Variants in MINK1 observed in about 807,000 individuals in gnomAD.
The protein encoded by MINK1 is misshapen-like kinase 1.
Under a neutral mutation model 178.4 loss-of-function variants are expected in MINK1, and 46 were observed. That is an observed-to-expected ratio of 0.26 (90% confidence interval 0.20 to 0.33). The LOEUF (loss-of-function observed/expected upper bound fraction) is 0.33, where lower values mean the gene tolerates loss of function less well. Among genes scored for constraint, MINK1 ranks in the 10% least tolerant of loss-of-function variants. The pLI is 1.00. For synonymous variants in MINK1, 797 were observed against 709.7 expected, an observed-to-expected ratio of 1.12 and a Z score of -1.96; for missense variants, 1,366 against 1,814.9, an observed-to-expected ratio of 0.75 and a Z score of 4.49.
At chr17:4,864,204 A>G (rs1257438551) in intron 1 of MINK1, among the ~76,000 whole-genome samples, 2 of 148,940 alleles carry the variant, frequency 1.3e-5, no homozygotes, top group Non-Finnish European at 3.0e-5. Flanking sequence ...GTTCGAGACC[A>G]GCCTGACCGA....
At chr17:4,866,331 G>T (rs997257007) in intron 1 of MINK1, among the ~76,000 whole-genome samples, 1 of 151,998 alleles carries the variant, frequency 6.6e-6, no homozygotes, top group South Asian at 2.1e-4. Context: ...GCTGGGCGTG[G>T]TGGGGTGTGC....
Position 4,893,972 on chromosome 17 carries a change from C to T in MINK1, c.2565-16C>T. 1.3e-6 allele frequency: 2 copies of T among 1,551,018 alleles called. No homozygotes were observed. Among genetic ancestry groups the T allele is most frequent in the Non-Finnish European group, 8.7e-7 (1 of 1,150,130 alleles). On this transcript the variant is annotated splice_polypyrimidine_tract_variant and intron_variant, in intron 21 of 31. Transcript: ENST00000355280. ...ACGGGCAGGACCTGGAGGGGCCCCA[C>T]CTTCCTCTCTCACAGCAGCGATGGG... is the stretch of plus-strand genomic sequence containing the variant.
Position 4,887,690 on chromosome 17 carries a change from A to G in MINK1, c.1130A>G (p.Gln377Arg). 1 of 1,560,904 alleles carries G rather than the reference A, an allele frequency of 6.4e-7. No individual in the cohort carries two copies. The highest frequency in any genetic ancestry group is 8.7e-7 in the Non-Finnish European group (1 of 1,153,816). Reference protein sequence around the residue: ...EALKQQQQLQQQQQRDPEAHI... With the variant: ...EALKQQQQLQRQQQRDPEAHI... ...TTAAAACAGCAGCAGCAGCTGCAGCAGCAGCAGCAGCGAGACCCCGAGGCA... is the reference window on the plus strand; with the variant it reads ...TTAAAACAGCAGCAGCAGCTGCAGCGGCAGCAGCAGCGAGACCCCGAGGCA... The change falls in exon 12 of 32, where the codon CAG becomes CGG. Residue 377 changes from glutamine (Q) to arginine (R), a missense_variant. By Grantham distance (43) the Gln-to-Arg change is conservative. Around this residue, in one of 14 missense-constraint regions of MINK1, gnomAD observed 56 missense variants for 64.0 expected, o/e 0.87. Coordinates refer to ENST00000355280, the MANE Select transcript of MINK1 (RefSeq NM_153827.5). The surrounding 1 kb of genome is among the most constrained non-coding windows in gnomAD (Gnocchi z 7.6).
chr17:4,851,375 G>A (rs1300970353), intron 1 of MINK1, among the ~76,000 whole-genome samples: 1 of 152,116 alleles, frequency 6.6e-6, no homozygotes, highest in Non-Finnish European at 1.5e-5. Context: ...GATTCTTAGT[G>A]CAGTAAACAC....
chr17:4,881,911 G>C (rs1967736477), intron 4 of MINK1, among the ~76,000 whole-genome samples: 1 of 152,278 alleles, frequency 6.6e-6, no homozygotes, highest in Non-Finnish European at 1.5e-5. Context: ...AGGGAGTGTG[G>C]CAATGGCTGT....
chr17:4,888,284 A>G (rs965374406), intron 12 of MINK1, among the ~76,000 whole-genome samples: 1 of 151,994 alleles, frequency 6.6e-6, no homozygotes, highest in Non-Finnish European at 1.5e-5. Context: ...AGGCCCTCTC[A>G]TTGTTGAACA....
At position 4,833,447 on chromosome 17, in the gene MINK1, C is replaced by T. The variant is rs1908785018; in HGVS notation, c.-137C>T. 5 of 653,890 alleles carry T rather than the reference C, an allele frequency of 7.6e-6. No individual in the cohort carries two copies. The highest frequency in any genetic ancestry group is 3.3e-5 in the Admixed American group (1 of 30,642). 40.5% of individuals were successfully genotyped at this position (653,890 alleles called of 1,614,324 possible). A position where few individuals can be genotyped will look rare whatever the true frequency, so the allele number is the denominator to read the frequency against. On this transcript the variant is annotated 5_prime_UTR_variant, in exon 1 of 32. Coordinates refer to ENST00000355280, the MANE Select transcript of MINK1 (RefSeq NM_153827.5). This position sits in a 1 kb window ranked among gnomAD's most constrained non-coding sequence, Gnocchi z 4.8. ...TGGGTCGGTCCTCGCGCCGGCCCTC[C>T]CCCTCCCCGGTCTCCGGGGGAGGCG...
intron 1 of MINK1, among the ~76,000 whole-genome samples, chr17:4,857,748 G>A (rs547601254): frequency 6.6e-6 from 1 of 152,090 alleles, no homozygotes; most frequent in South Asian, 2.1e-4. Context: ...GATTATAGGG[G>A]TGAGCCACCG....
Position 4,859,788 on chromosome 17 carries a change from C to CAAAAAAAAAAAA in MINK1, c.58-18513_58-18502dup, listed in dbSNP as rs397857604. ...GGGTGACAAGAGCGAAACTCCATCTCAAAAAAAAAAAAAAAAAAAAAAAAA... is the reference window on the plus strand; with the variant it reads ...GGGTGACAAGAGCGAAACTCCATCTCAAAAAAAAAAAAAAAAAAAAAAAAAAAAAAAAAAAAA... On this transcript the variant is annotated intron_variant, in intron 1 of 31. Transcript: ENST00000355280. 9.6e-5 allele frequency among the ~76,000 whole-genome samples: 5 copies of CAAAAAAAAAAAA among 51,884 alleles called. 1 individual carries two copies. Among genetic ancestry groups the CAAAAAAAAAAAA allele is most frequent in the Non-Finnish European group, 1.6e-4 (5 of 30,516 alleles). 34.0% of individuals were successfully genotyped at this position (51,884 alleles called of 152,430 possible).
rs927019761 is a variant in MINK1 at position 4,836,389 on chromosome 17, A to G, written c.57+2749A>G. ...AGGCCAGATGGACCTGCTACTTTGT[A>G]GCCACAGCCACACTTGACCTCTTTG... On this transcript the variant is annotated intron_variant, in intron 1 of 31. Coordinates refer to ENST00000355280, the MANE Select transcript of MINK1 (RefSeq NM_153827.5). This position sits in a 1 kb window ranked among gnomAD's most constrained non-coding sequence, Gnocchi z 4.3. 2.0e-5 allele frequency among the ~76,000 whole-genome samples: 3 copies of G among 152,140 alleles called. No individual in the cohort carries two copies. Among genetic ancestry groups the G allele is most frequent in the Non-Finnish European group, 4.4e-5 (3 of 68,026 alleles).
intron 13 of MINK1, 134 bp from the exon 14 acceptor site, chr17:4,890,383 A>G: frequency 6.9e-7 from 1 of 1,452,550 alleles, no homozygotes; most frequent in South Asian, 1.4e-5. Context: ...GGAACACTTC[A>G]AGGGAAGGGA....
intron 1 of MINK1, among the ~76,000 whole-genome samples, chr17:4,870,356 GT>G (rs1328987459): frequency 6.6e-6 from 1 of 151,690 alleles, no homozygotes; most frequent in Non-Finnish European, 1.5e-5. Context: ...ACAGTTACAG[GT>G]GTGAGCCACT....
At chr17:4,850,035 G>T (rs955558275) in intron 1 of MINK1, among the ~76,000 whole-genome samples, 2 of 152,052 alleles carry the variant, frequency 1.3e-5, no homozygotes, top group African/African-American at 4.8e-5. Context: ...CAGCCTCCTT[G>T]AATCGTTCTG....
intron 1 of MINK1, among the ~76,000 whole-genome samples, chr17:4,858,479 AT>A (rs35540481): frequency 0.13 from 18,792 of 139,268 alleles, 1,416 homozygotes; most frequent in African/African-American, 0.24. Flanking sequence ...TTTAAATTTA[AT>A]TTTTTTTTTT....
In MINK1 at chr17:4,836,971, G is replaced by A. The variant is rs138308098; in HGVS notation, c.57+3331G>A. Among the ~76,000 whole-genome samples, 1,828 of 152,076 alleles carry A rather than the reference G, an allele frequency of 0.012. 24 individuals are homozygous for A. Among genetic ancestry groups the A allele is most frequent in the African/African-American group, 0.038 (1,568 of 41,474 alleles). On this transcript the variant is annotated intron_variant, in intron 1 of 31. Transcript: ENST00000355280. The surrounding 1 kb of genome is among the most constrained non-coding windows in gnomAD (Gnocchi z 4.3). ...GGCAGATGGATCACCTGAGAGGTCA[G>A]AAGTTCGAGACCAGCCTGGCCAACA...
chr17:4,861,083 G>A (rs780353209), intron 1 of MINK1, among the ~76,000 whole-genome samples: 24 of 152,088 alleles, frequency 1.6e-4, no homozygotes, highest in African/African-American at 2.2e-4. Context: ...TCTGTCTGGC[G>A]TTGAATCATT....
In MINK1 at chr17:4,894,401, C is replaced by G. The variant is rs552039974; in HGVS notation, c.2808+90C>G. On this transcript the variant is annotated intron_variant, in intron 23 of 31. Transcript: ENST00000355280. This position sits in a 1 kb window ranked among gnomAD's most constrained non-coding sequence, Gnocchi z 4.1. ...TGCTGGGTAACGGCAGAGGATGGGG[C>G]GGAGCGCTGGGAGCTGGACAGCGGG... The G allele has an allele frequency of 1.3e-6, 2 of 1,543,776 alleles. No individual in the cohort carries two copies. The highest frequency in any genetic ancestry group is 1.4e-5 in the African/African-American group (1 of 73,152).
chr17:4,868,971 TGGTGTG>T (rs1915450825), intron 1 of MINK1: 1 of 165,030 alleles, frequency 6.1e-6, no homozygotes, highest in South Asian at 1.1e-4. Context: ...TCGTGCAGGC[TGGTGTG>T]CAGTGGCGTA....
rs199881468 is a variant in MINK1, at chr17:4,884,493, C to G, written c.417+20C>G. 2 of 1,564,928 alleles carry G rather than the reference C, an allele frequency of 1.3e-6. No homozygotes were observed. Among genetic ancestry groups the G allele is most frequent in the South Asian group, 2.2e-5 (2 of 89,998 alleles). ...CTCAGGGTGAGCTCAAGGCCCCTCCCCTTGTCTTCTCCTCCGCTACCCTGG... is the reference window on the plus strand; with the variant it reads ...CTCAGGGTGAGCTCAAGGCCCCTCCGCTTGTCTTCTCCTCCGCTACCCTGG... On this transcript the variant is annotated intron_variant, in intron 5 of 31. Coordinates refer to ENST00000355280, the MANE Select transcript of MINK1 (RefSeq NM_153827.5).
Sources: allele counts gnomAD v4.1 joint callset (sites outside exome capture counted in the v4.1 genomes callset), GRCh38; gene constraint gnomAD v4.1.1; regional missense constraint gnomAD v4.1.1; non-coding constraint Gnocchi (gnomAD v3.1); transcripts MANE v1.5; gene names NCBI Gene and HGNC (gene_info 2026-07-23, HGNC 2026-07-21).